SLC4A10: variants seen among roughly 807,000 people sequenced by gnomAD.
SLC4A10 encodes the protein sodium-driven chloride bicarbonate exchanger.
A neutral mutation model predicts 137.7 loss-of-function variants in SLC4A10; 42 were observed. The ratio of observed to expected loss-of-function variants is 0.30; its 90% CI spans 0.24 to 0.39. The LOEUF is 0.39. Ranked by LOEUF, SLC4A10 falls within the 10% of genes least tolerant of loss-of-function variation. SLC4A10 has a pLI of 1.00. For missense variants in SLC4A10, 925 were observed against 1,355.0 expected (o/e 0.68, Z 4.98); for synonymous variants, 474 against 464.1 (o/e 1.02, Z -0.27).
chr2:161,923,462 G>A (rs1248438121), intron 15 of SLC4A10, among the ~76,000 whole-genome samples: 1 of 151,832 alleles, frequency 6.6e-6, no homozygotes, highest in Non-Finnish European at 1.5e-5. Context: ...CTTATGTCAG[G>A]GCCCATTCTA....
chr2:161,721,955 C>G (rs1356165870), intron 1 of SLC4A10, among the ~76,000 whole-genome samples: 2 of 152,158 alleles, frequency 1.3e-5, no homozygotes, highest in East Asian at 3.9e-4. Flanking sequence ...CTCTGAGATT[C>G]TTTTCTCCAT....
chr2:161,769,779 CCT>C (rs1444300938), intron 1 of SLC4A10, among the ~76,000 whole-genome samples: 1 of 151,612 alleles, frequency 6.6e-6, no homozygotes, highest in Non-Finnish European at 1.5e-5. Context: ...TTTTCCTCCC[CCT>C]CTCTCTGTTC....
chr2:161,694,092 C>G lies in SLC4A10; in HGVS notation c.48+69526C>G, dbSNP rs148350577. Among the ~76,000 whole-genome samples, 476 of 152,092 alleles carry G rather than the reference C, an allele frequency of 3.1e-3. 3 individuals carry two copies. Among genetic ancestry groups the G allele is most frequent in the African/African-American group, 0.011 (446 of 41,528 alleles). On this transcript the variant is annotated intron_variant, in intron 1 of 26. Coordinates refer to ENST00000446997, the MANE Select transcript of SLC4A10 (RefSeq NM_001178015.2). ...CCTTTTCTTTTATTACTCACTTTAC[C>G]TTTATCCTACAATAATTTTTTTGAG... is the stretch of plus-strand genomic sequence containing the variant.
intron 1 of SLC4A10, among the ~76,000 whole-genome samples, chr2:161,747,314 GTGT>G (rs2048489562): frequency 6.6e-6 from 1 of 152,120 alleles, no homozygotes. Flanking sequence ...ATTCCGCCTT[GTGT>G]TGTTTTCTGC....
chr2:161,677,013 C>A (rs72875528), intron 1 of SLC4A10, among the ~76,000 whole-genome samples: 1 of 151,974 alleles, frequency 6.6e-6, no homozygotes, highest in Non-Finnish European at 1.5e-5. Flanking sequence ...TTGTTTGGCC[C>A]TGTCAAGTCT....
chr2:161,628,541 G>A (rs928711563), intron 1 of SLC4A10, among the ~76,000 whole-genome samples: 19 of 151,900 alleles, frequency 1.3e-4, no homozygotes, highest in Non-Finnish European at 2.5e-4. Context: ...AGAAAAATGG[G>A]ACTAAAATGT....
At chr2:161,721,175 C>A (rs2045621045) in intron 1 of SLC4A10, among the ~76,000 whole-genome samples, 1 of 152,176 alleles carries the variant, frequency 6.6e-6, no homozygotes, top group East Asian at 1.9e-4. Flanking sequence ...GCATTTAGCC[C>A]ATTTAATTGA....
intron 21 of SLC4A10, among the ~76,000 whole-genome samples, chr2:161,960,408 G>A (rs1415023427): frequency 1.4e-5 from 2 of 147,974 alleles, no homozygotes; most frequent in African/African-American, 5.0e-5. Context: ...AACACAGAGA[G>A]ACACAGGACA....
At chr2:161,734,257 C>A (rs528611565) in intron 1 of SLC4A10, among the ~76,000 whole-genome samples, 1 of 152,154 alleles carries the variant, frequency 6.6e-6, no homozygotes, top group Admixed American at 6.6e-5. Context: ...TGGAATTGTA[C>A]TCCCATAATT....
chr2:161,798,130 T>A (rs1292805185), intron 2 of SLC4A10, among the ~76,000 whole-genome samples: 1 of 152,026 alleles, frequency 6.6e-6, no homozygotes, highest in African/African-American at 2.4e-5. Context: ...TAGCAGAAAT[T>A]TTCCATTGGA....
intron 26 of SLC4A10, among the ~76,000 whole-genome samples, chr2:161,980,087 C>T (rs1700000399): frequency 6.6e-6 from 1 of 152,278 alleles, no homozygotes; most frequent in South Asian, 2.1e-4. Context: ...GGCTCATTAA[C>T]GACCACATTG....
At chr2:161,703,059 G>T (rs1014739873) in intron 1 of SLC4A10, among the ~76,000 whole-genome samples, 1 of 151,688 alleles carries the variant, frequency 6.6e-6, no homozygotes, top group Non-Finnish European at 1.5e-5. Flanking sequence ...GAGTAAACAT[G>T]ATATTTCTAT....
intron 3 of SLC4A10, among the ~76,000 whole-genome samples, chr2:161,815,146 T>C (rs1463116757): frequency 1.3e-5 from 2 of 152,092 alleles, no homozygotes; most frequent in Admixed American, 6.6e-5. Context: ...GACCTGTACA[T>C]TAAAAATATA....
intron 1 of SLC4A10, among the ~76,000 whole-genome samples, chr2:161,640,620 CCTT>C (rs1558923430): frequency 1.4e-5 from 2 of 140,882 alleles, no homozygotes; most frequent in Non-Finnish European, 3.1e-5. Context: ...TTCCTTCCTT[CCTT>C]CCTTCCTTCC....
At chr2:161,771,813 T>C (rs1440180217) in intron 2 of SLC4A10, among the ~76,000 whole-genome samples, 1 of 151,888 alleles carries the variant, frequency 6.6e-6, no homozygotes, top group Non-Finnish European at 1.5e-5. Flanking sequence ...TAATGAGAAA[T>C]TGTTACTAAT....
intron 8 of SLC4A10, among the ~76,000 whole-genome samples, chr2:161,878,513 C>T (rs1312863675): frequency 6.6e-6 from 1 of 152,108 alleles, no homozygotes; most frequent in African/African-American, 2.4e-5. Context: ...TCAACTATAG[C>T]TCTTCAGTAA....
At chr2:161,927,673 A>C (rs1188837603) in intron 15 of SLC4A10, among the ~76,000 whole-genome samples, 1 of 152,222 alleles carries the variant, frequency 6.6e-6, no homozygotes, top group Non-Finnish European at 1.5e-5. Flanking sequence ...ACAAATATAC[A>C]AGAAAAAAAC....
rs1406687063 is a variant in SLC4A10 at position 161,628,446 on chromosome 2, A to G, written c.48+3880A>G. On this transcript the variant is annotated intron_variant, in intron 1 of 26. Transcript: ENST00000446997. ...AGTACTTTTAGAAAATGCTAATTCCATATTTCCAAGTGGCCCAGTTTATTG... is the reference window on the plus strand; with the variant it reads ...AGTACTTTTAGAAAATGCTAATTCCGTATTTCCAAGTGGCCCAGTTTATTG... Among the ~76,000 whole-genome samples the G allele has an allele frequency of 3.3e-5, 5 of 152,080 alleles. No individual in the cohort carries two copies. The South Asian group carries it at 6.2e-4, about 19-fold the overall frequency.
intron 1 of SLC4A10, among the ~76,000 whole-genome samples, chr2:161,762,608 A>G (rs1021035129): frequency 2.0e-5 from 3 of 152,096 alleles, no homozygotes; most frequent in African/African-American, 7.2e-5. Flanking sequence ...TTAATTTTGT[A>G]ATGTAACATA....
Sources: gnomAD v4.1 joint callset for allele counts (sites outside exome capture counted in the v4.1 genomes callset) on GRCh38, gnomAD v4.1.1 for gene constraint, MANE v1.5 for transcripts, NCBI Gene and HGNC (gene_info 2026-07-23, HGNC 2026-07-21) for gene names.